Variants in ZNF596 observed in about 807,000 individuals in gnomAD.
The protein encoded by ZNF596 is zinc finger protein 596.
In ZNF596, 45 loss-of-function variants were observed where a neutral mutation model predicts 48.3. That is an observed-to-expected ratio of 0.93 (90% CI 0.73 to 1.19). The LOEUF is 1.19. ZNF596 is among the 50% of genes most tolerant of loss of function. ZNF596 has a pLI of 0.00. For synonymous variants in ZNF596, 270 were observed against 202.0 expected, an observed-to-expected ratio of 1.34 and a Z score of -2.85; for missense variants, 848 against 599.7, an observed-to-expected ratio of 1.41 and a Z score of -4.32.
upstream of ZNF596, chr8:232,332 C>T (rs1395335506): frequency 5.9e-6 from 1 of 170,396 alleles, no homozygotes; most frequent in South Asian, 1.7e-4. Flanking sequence ...TCTGCCTCCC[C>T]TCCCTGCACG....
rs111842987 is a variant in ZNF596 at position 246,374 on chromosome 8, T to C, written c.*12T>C. The C allele has an allele frequency of 1.6e-5, 25 of 1,562,664 alleles. No individual in the cohort carries two copies. In the African/African-American group the frequency reaches 2.2e-4, roughly 14 times the overall value. On this transcript the variant is annotated 3_prime_UTR_variant, in exon 6 of 6. Coordinates refer to ENST00000398612, the MANE Select transcript of ZNF596 (RefSeq NM_001042416.3). ...CAATGAATATGTAAGAATCATCAGC[T>C]GTAGCGTTAACACTAAATACACCAA...
rs778615779 is a variant in ZNF596, at chr8:245,164, C to A, written c.317C>A (p.Thr106Asn). The change falls in exon 6 of 6, where the codon ACT (threonine) becomes AAT (asparagine). Residue 106 changes from threonine to asparagine, a missense_variant. By Grantham distance (65) the Thr-to-Asn change is moderately conservative. Transcript: ENST00000398612. ...CATTCCCAAAACCAGAGATCTCATA[C>A]TCAAGAGGATCCTTTTCTATGCAAT... ...TSTISTMRSH[T>N]QEDPFLCNDL... 1.3e-6 allele frequency: 2 copies of A among 1,587,836 alleles called. No homozygotes were observed. The highest frequency in any genetic ancestry group is 2.3e-5 in the South Asian group (2 of 86,818).
At chr8:236,493 T>G (rs1796618777) in intron 1 of ZNF596, among the ~76,000 whole-genome samples, 1 of 152,184 alleles carries the variant, frequency 6.6e-6, no homozygotes, top group South Asian at 2.1e-4. Context: ...TTTTCCAGCC[T>G]TACCTTTAGT....
intron 1 of ZNF596, chr8:235,005 T>A (rs375126621): frequency 6.6e-6 from 1 of 152,222 alleles, no homozygotes; most frequent in South Asian, 2.1e-4. Context: ...TCTGCCCAAC[T>A]GTATAATGCA....
chr8:246,041 A>G lies in ZNF596; in HGVS notation c.1194A>G (p.Lys398=). 1 of 1,614,192 alleles carries G rather than the reference A, an allele frequency of 6.2e-7. No individual in the cohort carries two copies. The highest frequency in any genetic ancestry group is 1.1e-5 in the South Asian group (1 of 91,086). Residue 398 remains lysine, a synonymous_variant, in exon 6 of 6, where the codon AAA becomes AAG. Coordinates refer to ENST00000398612, the MANE Select transcript of ZNF596 (RefSeq NM_001042416.3). ...CATATGAGTGCCATGTATGTGGGAA[A>G]GCCTTCACTGAATCTTCTGACCTCA... ...EKPYECHVCG[K]AFTESSDLRR...
Position 243,493 on chromosome 8 carries a change from T to C in ZNF596, c.140-229T>C, listed in dbSNP as rs1036133389. On this transcript the variant is annotated intron_variant, in intron 3 of 5. Transcript: ENST00000398612. The stretch of plus-strand genomic sequence containing the variant: ...ACACTGAGGATTCTGAAATCAGTAT[T>C]TGAAGTGAGGCATGGCCATCAGCAA... 10 of 430,632 alleles carry C rather than the reference T, an allele frequency of 2.3e-5. No homozygotes were observed. In the East Asian group the frequency reaches 3.9e-4, roughly 17 times the overall value. The allele number at this position is 430,632 out of a possible 1,614,324, so 26.7% of individuals were successfully genotyped here. A position where few individuals can be genotyped will look rare whatever the true frequency, so the allele number is the denominator to read the frequency against.
At chr8:242,695 T>C (rs906552863) in intron 2 of ZNF596, among the ~76,000 whole-genome samples, 192 bp from the exon 3 acceptor site, 1 of 152,176 alleles carries the variant, frequency 6.6e-6, no homozygotes, top group Non-Finnish European at 1.5e-5. Flanking sequence ...CTATGTGAAG[T>C]TTTATGTATG....
At chr8:234,231 C>G (rs1445096215) in intron 1 of ZNF596, 1 of 152,224 alleles carries the variant, frequency 6.6e-6, no homozygotes, top group East Asian at 1.9e-4. Context: ...ACTTCAGGCT[C>G]TGTGACTAAA....
At chr8:241,263 T>C (rs1157180053) in intron 2 of ZNF596, among the ~76,000 whole-genome samples, 4 of 152,012 alleles carry the variant, frequency 2.6e-5, no homozygotes, top group Non-Finnish European at 4.4e-5. Flanking sequence ...CTTGAGAGTA[T>C]ATGTGGGTAG....
chr8:246,582 ATCAAAGG>A lies in ZNF596; in HGVS notation c.*221_*227del. On this transcript the variant is annotated 3_prime_UTR_variant, in exon 6 of 6. Transcript: ENST00000398612. ...ACAACGTGAGAGAATGAAACTATAG[ATCAAAGG>A]AATGTGGAGGAGTCTTCATCCACAG... The A allele has an allele frequency of 2.1e-6, 1 of 472,154 alleles. No individual in the cohort carries two copies. The highest frequency in any genetic ancestry group is 3.6e-6 in the Non-Finnish European group (1 of 278,790). 29.2% of individuals were successfully genotyped at this position (472,154 alleles called of 1,614,324 possible). A position where few individuals can be genotyped will look rare whatever the true frequency, so the allele number is the denominator to read the frequency against.
Position 242,867 on chromosome 8 carries a change from G to T in ZNF596, c.13-20G>T. 6.6e-7 allele frequency: 1 copy of T among 1,507,124 alleles called. No individual in the cohort carries two copies. 93.4% of individuals were successfully genotyped at this position (1,507,124 alleles called of 1,614,324 possible). A position where few individuals can be genotyped will look rare whatever the true frequency, so the allele number is the denominator to read the frequency against. On this transcript the variant is annotated intron_variant, in intron 2 of 5. Coordinates refer to ENST00000398612, the MANE Select transcript of ZNF596 (RefSeq NM_001042416.3). ...GGCAGAGATAGCCCTGTTTGCAGTA[G>T]AATGTCCATAATGTTTTAGGATTCC...
At chr8:235,542 G>C (rs1347093218) in intron 1 of ZNF596, among the ~76,000 whole-genome samples, 1 of 151,638 alleles carries the variant, frequency 6.6e-6, no homozygotes, top group East Asian at 1.9e-4. Flanking sequence ...CAAAGTAATT[G>C]TGAGGCTGAA....
intron 1 of ZNF596, among the ~76,000 whole-genome samples, chr8:239,463 C>G (rs1796758927): frequency 6.6e-6 from 1 of 152,190 alleles, no homozygotes. Flanking sequence ...TCCCAAAGTG[C>G]TGGGATTACA....
intron 1 of ZNF596, chr8:232,980 C>G (rs1213604545): frequency 4.3e-6 from 2 of 468,552 alleles, no homozygotes; most frequent in Non-Finnish European, 8.8e-6. Flanking sequence ...GTTTACCTTC[C>G]CGGTGTCCCA....
Position 247,115 on chromosome 8 carries a change from A to T in ZNF596, c.*753A>T, listed in dbSNP as rs1030067333. On this transcript the variant is annotated 3_prime_UTR_variant, in exon 6 of 6. Coordinates refer to ENST00000398612, the MANE Select transcript of ZNF596 (RefSeq NM_001042416.3). ...CTTCAGGCAGCTTTTATGTCAAAAA[A>T]GTGAGACAGGGATGAAAACTCTAAA... 5.9e-5 allele frequency: 9 copies of T among 152,202 alleles called. No individual in the cohort carries two copies. The highest frequency in any genetic ancestry group is 2.2e-4 in the African/African-American group (9 of 41,454). 9.4% of individuals were successfully genotyped at this position (152,202 alleles called of 1,614,324 possible). A position where few individuals can be genotyped will look rare whatever the true frequency, so the allele number is the denominator to read the frequency against.
At position 246,489 on chromosome 8, in the gene ZNF596, C is replaced by A; in HGVS notation, c.*127C>A. Reference sequence around the variant, plus strand: ...CCACTTTGCTCAACCTAAATGAATTCAAGGTAGAGAGAATCCAGATGTATT... The same window carrying A: ...CCACTTTGCTCAACCTAAATGAATTAAAGGTAGAGAGAATCCAGATGTATT... On this transcript the variant is annotated 3_prime_UTR_variant, in exon 6 of 6. Transcript: ENST00000398612. The A allele has an allele frequency of 8.2e-7, 1 of 1,226,698 alleles. No individual in the cohort carries two copies. Among genetic ancestry groups the A allele is most frequent in the Non-Finnish European group, 1.1e-6 (1 of 897,004 alleles). 76.0% of individuals were successfully genotyped at this position (1,226,698 alleles called of 1,614,324 possible). A position where few individuals can be genotyped will look rare whatever the true frequency, so the allele number is the denominator to read the frequency against.
chr8:243,657 T>C (rs2117104483), intron 3 of ZNF596, 65 bp from the exon 4 acceptor site: 2 of 1,535,282 alleles, frequency 1.3e-6, no homozygotes, highest in Middle Eastern at 1.8e-4. Flanking sequence ...CTGCCCTGTA[T>C]CTGATAACCT....
intron 1 of ZNF596, among the ~76,000 whole-genome samples, chr8:240,114 A>G (rs1796791225): frequency 6.6e-6 from 1 of 152,192 alleles, no homozygotes; most frequent in Admixed American, 6.5e-5. Flanking sequence ...ATTTCTTACA[A>G]CTAACAATGT....
At chr8:241,863 A>G (rs942988646) in intron 2 of ZNF596, among the ~76,000 whole-genome samples, 1 of 152,190 alleles carries the variant, frequency 6.6e-6, no homozygotes, top group Non-Finnish European at 1.5e-5. Context: ...GAAACTTACA[A>G]TCATGGTGGA....
Sources: allele counts gnomAD v4.1 joint callset (sites outside exome capture counted in the v4.1 genomes callset), GRCh38; gene constraint gnomAD v4.1.1; transcripts MANE v1.5; gene names NCBI Gene and HGNC (gene_info 2026-07-23, HGNC 2026-07-21).